ITPR1: variants seen among roughly 807,000 people sequenced by gnomAD.
ITPR1 encodes the protein inositol 1,4,5-trisphosphate-gated calcium channel ITPR1.
A neutral mutation model predicts 318.4 loss-of-function variants in ITPR1; 96 were observed. The observed-to-expected ratio is 0.30, with a 90% CI of 0.26 to 0.36. The LOEUF is 0.36. Ranked by LOEUF, ITPR1 falls within the 10% of genes least tolerant of loss-of-function variation. The pLI, the probability that ITPR1 is intolerant of heterozygous loss-of-function variation, is 1.00. For missense variants in ITPR1, 2,440 were observed against 3,460.2 expected, an observed-to-expected ratio of 0.71 and a Z score of 7.40; for synonymous variants, 1,312 against 1,289.9, an observed-to-expected ratio of 1.02 and a Z score of -0.37.
At chr3:4,621,395 A>G (rs2092626485) in intron 4 of ITPR1, among the ~76,000 whole-genome samples, 1 of 152,190 alleles carries the variant, frequency 6.6e-6, no homozygotes, top group Non-Finnish European at 1.5e-5. Context: ...CAGTATCATG[A>G]GCACAGCACC....
intron 10 of ITPR1, among the ~76,000 whole-genome samples, chr3:4,651,745 G>A (rs989954310): frequency 2.0e-5 from 3 of 152,212 alleles, no homozygotes; most frequent in African/African-American, 7.2e-5. Context: ...CTGCGTGTGT[G>A]TTCTAGCACA....
intron 2 of ITPR1, among the ~76,000 whole-genome samples, chr3:4,505,557 C>A (rs888359131): frequency 6.6e-6 from 1 of 152,192 alleles, no homozygotes; most frequent in African/African-American, 2.4e-5. Flanking sequence ...CACCAAAGGA[C>A]GTTGGCAAGG....
chr3:4,733,343 T>C (rs985734445), intron 43 of ITPR1, 123 bp downstream of exon 43: 13 of 1,163,218 alleles, frequency 1.1e-5, no homozygotes, highest in Non-Finnish European at 1.6e-5. Context: ...GTGTATTTTT[T>C]AGCAACTTGT....
chr3:4,674,056 G>A lies in ITPR1; in HGVS notation c.2457-146G>A, dbSNP rs971736501. ...TAAACGACTCAAATATATAGTTGGTGATATATGCTAAGGAGGGAAAAAATA... is the reference window on the plus strand; with the variant it reads ...TAAACGACTCAAATATATAGTTGGTAATATATGCTAAGGAGGGAAAAAATA... On this transcript the variant is annotated intron_variant, in intron 21 of 61. Transcript: ENST00000649015. The A allele has an allele frequency of 1.3e-5, 8 of 597,436 alleles. No homozygotes were observed. The African/African-American group carries it at 1.5e-4, about 11-fold the overall frequency. The allele number at this position is 597,436 out of a possible 1,614,324, so 37.0% of individuals were successfully genotyped here. A position where few individuals can be genotyped will look rare whatever the true frequency, so the allele number is the denominator to read the frequency against.
intron 4 of ITPR1, among the ~76,000 whole-genome samples, chr3:4,531,058 A>G (rs2083375174): frequency 6.6e-6 from 1 of 152,138 alleles, no homozygotes; most frequent in Non-Finnish European, 1.5e-5. Context: ...ACACTGTGAC[A>G]TGGGTACTGT....
At chr3:4,671,205 C>T (rs567898625) in intron 20 of ITPR1, among the ~76,000 whole-genome samples, 17 of 152,242 alleles carry the variant, frequency 1.1e-4, no homozygotes, top group Admixed American at 1.1e-3. Flanking sequence ...GTGGTAGGTA[C>T]GTAAGAGGCA....
Position 4,636,860 on chromosome 3 carries a change from T to A in ITPR1, c.280-2524T>A, listed in dbSNP as rs192215766. ...GCTCTTTAGAGCTGCTCGTGTTTAA[T>A]TAGTCTTTAATGTGGAATATGCCTT... On this transcript the variant is annotated intron_variant, in intron 5 of 61. Transcript: ENST00000649015. Among the ~76,000 whole-genome samples, 16 of 152,394 alleles carry A rather than the reference T, an allele frequency of 1.0e-4. No individual in the cohort carries two copies. In the East Asian group the frequency reaches 2.5e-3, roughly 24 times the overall value.
At chr3:4,499,440 T>A (rs539440673) in intron 2 of ITPR1, among the ~76,000 whole-genome samples, 11 of 152,304 alleles carry the variant, frequency 7.2e-5, no homozygotes, top group African/African-American at 2.2e-4. Context: ...ACCCCTTTGA[T>A]GGCCTTTCAT....
intron 41 of ITPR1, among the ~76,000 whole-genome samples, 185 bp from the exon 42 acceptor site, chr3:4,726,941 T>A (rs2042560098): frequency 6.6e-6 from 1 of 152,214 alleles, no homozygotes; most frequent in Non-Finnish European, 1.5e-5. Flanking sequence ...GGGACAGTCG[T>A]TAAGCAGCAT....
intron 44 of ITPR1, chr3:4,751,092 G>A (rs1284214022): frequency 6.6e-6 from 1 of 152,636 alleles, no homozygotes; most frequent in Non-Finnish European, 1.5e-5. Flanking sequence ...GAGGAGAAGG[G>A]CTGTTTGTAT....
intron 16 of ITPR1, 25 bp downstream of exon 16, chr3:4,663,231 G>A: frequency 6.3e-7 from 1 of 1,589,800 alleles, no homozygotes; most frequent in Non-Finnish European, 8.6e-7. Flanking sequence ...GCGTACTGGG[G>A]ATTTGGCTTT....
intron 34 of ITPR1, 44 bp downstream of exon 34, chr3:4,697,316 G>A (rs2094574013): frequency 1.3e-6 from 1 of 760,560 alleles, no homozygotes; most frequent in Non-Finnish European, 1.7e-6. Flanking sequence ...AGAGTGAGAG[G>A]TGTGTGTGTG....
chr3:4,535,424 TTC>T (rs2083764296), intron 4 of ITPR1, among the ~76,000 whole-genome samples: 1 of 147,512 alleles, frequency 6.8e-6, no homozygotes, highest in Non-Finnish European at 1.5e-5. Context: ...GAAAATTATT[TTC>T]TTTTTTTTTT....
At chr3:4,799,247 C>T (rs915796751) in intron 53 of ITPR1, among the ~76,000 whole-genome samples, 3 of 152,226 alleles carry the variant, frequency 2.0e-5, no homozygotes, top group Non-Finnish European at 2.9e-5. Flanking sequence ...AAGGGCTTGA[C>T]ACGATGTCTA....
chr3:4,692,314 G>A (rs1005152556), intron 32 of ITPR1, among the ~76,000 whole-genome samples: 3 of 152,108 alleles, frequency 2.0e-5, no homozygotes, highest in African/African-American at 7.2e-5. Context: ...TGATATGTGG[G>A]GTAAATGAGA....
chr3:4,563,866 C>G (rs550659361), intron 4 of ITPR1, among the ~76,000 whole-genome samples: 4 of 152,000 alleles, frequency 2.6e-5, no homozygotes, highest in Admixed American at 6.6e-5. Context: ...AACAAAGCAC[C>G]ACAAGCTGAA....
intron 49 of ITPR1, among the ~76,000 whole-genome samples, chr3:4,780,716 C>A (rs560574321): frequency 6.6e-6 from 1 of 152,228 alleles, no homozygotes; most frequent in South Asian, 2.1e-4. Flanking sequence ...AAGTTCTCAG[C>A]CCGAGATGGA....
At position 4,661,051 on chromosome 3, in the gene ITPR1, T is replaced by G; in HGVS notation, c.1215T>G (p.Pro405=). Residue 405 remains proline, a synonymous_variant, in exon 14 of 62, where the codon CCT becomes CCG. Transcript: ENST00000649015. ...CCTGGGTTCACAGCACAAATATTCC[T>G]ATTGACAAGGAAGAAGAAAAGCCCG... ...TNTWVHSTNI[P]IDKEEEKPVM... The G allele has an allele frequency of 6.2e-7, 1 of 1,610,736 alleles. No individual in the cohort carries two copies. Among genetic ancestry groups the G allele is most frequent in the East Asian group, 2.2e-5 (1 of 44,866 alleles).
intron 17 of ITPR1, among the ~76,000 whole-genome samples, chr3:4,665,731 A>G (rs2093932603): frequency 6.6e-6 from 1 of 152,150 alleles, no homozygotes; most frequent in South Asian, 2.1e-4. Context: ...GTCATTGTCT[A>G]TAGAGATATC....
Sources: gnomAD v4.1 joint callset for allele counts (sites outside exome capture counted in the v4.1 genomes callset) on GRCh38, gnomAD v4.1.1 for gene constraint, MANE v1.5 for transcripts, NCBI Gene and HGNC (gene_info 2026-07-23, HGNC 2026-07-21) for gene names.